The following NLRP7 variants were observed in gnomAD, a reference collection of about 807,000 sequenced individuals.
The protein encoded by NLRP7 is NACHT, LRR and PYD domains-containing protein 7.
Under a neutral mutation model 85.5 loss-of-function variants are expected in NLRP7, and 72 were observed. That is an observed-to-expected ratio of 0.84 (90% CI 0.70 to 1.02). The LOEUF (loss-of-function observed/expected upper bound fraction) is 1.02. NLRP7 is among the 50% of genes least tolerant of loss of function. The pLI is 0.00. For missense variants in NLRP7, 1,243 were observed against 1,219.5 expected, an observed-to-expected ratio of 1.02 and a Z score of -0.29; for synonymous variants, 550 against 505.2, an observed-to-expected ratio of 1.09 and a Z score of -1.19.
In NLRP7 at chr19:54,934,771, G is replaced by A. The variant is rs1332219052; in HGVS notation, c.2301-112C>T. On this transcript the variant is annotated intron_variant, in intron 6 of 9. Coordinates refer to ENST00000340844, the Ensembl canonical transcript of NLRP7. The surrounding 1 kb of genome is among the most constrained non-coding windows in gnomAD (Gnocchi z 6.7). ...GTTGCCCAGTCTGGAATGCAAAGGCGTGATCTCACCTCACTGCAGCCTCCG... is the reference window on the plus strand; with the variant it reads ...GTTGCCCAGTCTGGAATGCAAAGGCATGATCTCACCTCACTGCAGCCTCCG... 13 of 858,174 alleles carry A rather than the reference G, an allele frequency of 1.5e-5. No homozygotes were observed. Among genetic ancestry groups the A allele is most frequent in the Middle Eastern group, 3.6e-4 (1 of 2,792 alleles). 53.2% of individuals were successfully genotyped at this position (858,174 alleles called of 1,614,324 possible).
chr19:54,927,674 A>C, intron 9 of NLRP7: 1 of 1,614,174 alleles, frequency 6.2e-7, no homozygotes, highest in Non-Finnish European at 8.5e-7. Context: ...ACTCTTCCAC[A>C]AATGATTCTG....
chr19:54,923,805 T>G, exon 10 of NLRP7: 1 of 1,614,146 alleles, frequency 6.2e-7, no homozygotes, highest in Non-Finnish European at 8.5e-7. Flanking sequence ...ATAGTCAGCT[T>G]GGGATTCTTT....
chr19:54,931,685 CAA>C (rs67176965), intron 8 of NLRP7, among the ~76,000 whole-genome samples: 39,255 of 129,472 alleles, frequency 0.3, 5,400 homozygotes, highest in Middle Eastern at 0.44. Context: ...AACTCCATCT[CAA>C]AAAAAAAAAA....
chr19:54,945,938 C>T (rs1325179495), intron 1 of NLRP7, among the ~76,000 whole-genome samples: 8 of 151,136 alleles, frequency 5.3e-5, no homozygotes, highest in East Asian at 4.0e-4. Context: ...TACAGGCGCC[C>T]GCCACTATGC....
intron 3 of NLRP7, 42 bp from the exon 4 acceptor site, chr19:54,940,508 G>T: frequency 1.9e-6 from 3 of 1,606,472 alleles, no homozygotes; most frequent in Non-Finnish European, 2.6e-6. Context: ...TGATGATGAT[G>T]ATTTTCTGAA....
At chr19:54,924,200 T>A (rs1184057215) in intron 9 of NLRP7, among the ~76,000 whole-genome samples, 1 of 152,138 alleles carries the variant, frequency 6.6e-6, no homozygotes, top group Non-Finnish European at 1.5e-5. Context: ...ACTTCTGGCC[T>A]CAAGTGATCC....
chr19:54,937,728 T>C (rs1245565214), intron 5 of NLRP7, among the ~76,000 whole-genome samples: 1 of 151,650 alleles, frequency 6.6e-6, no homozygotes, highest in African/African-American at 2.4e-5. Context: ...TGAAAACCTG[T>C]CTGTGCTAAA....
At chr19:54,958,915 C>T (rs928773345) in intron 1 of NLRP7, among the ~76,000 whole-genome samples, 7 of 152,054 alleles carry the variant, frequency 4.6e-5, no homozygotes, top group Middle Eastern at 3.2e-3. Context: ...ACAGGGGTTT[C>T]GTGCACTGCT....
rs753012860 is a variant in NLRP7 at position 54,940,089 on chromosome 19, G to C, written c.730C>G (p.Gln244Glu). ...ACCACGAACAGGATTCTCTGTGCTT[G>C]GGCTAGGATGCTTGGAATGTCATCC... Residue 244 changes from glutamine to glutamate, a missense_variant, in exon 4 of 10, where the codon CAA becomes GAA. Around this residue, in one of 3 missense-constraint regions of NLRP7, gnomAD observed 591 missense variants for 563.3 expected, o/e 1.05. Transcript: ENST00000340844. 2.5e-6 allele frequency: 4 copies of C among 1,614,192 alleles called. No homozygotes were observed. The highest frequency in any genetic ancestry group is 3.4e-6 in the Non-Finnish European group (4 of 1,180,032).
chr19:54,952,601 A>T (rs558293893), intron 1 of NLRP7, among the ~76,000 whole-genome samples: 1 of 152,022 alleles, frequency 6.6e-6, no homozygotes, highest in South Asian at 2.1e-4. Flanking sequence ...CTCAAAAAAA[A>T]AAAAAACCCT....
At chr19:54,959,849 C>T (rs539120292) in intron 1 of NLRP7, among the ~76,000 whole-genome samples, 4 of 151,948 alleles carry the variant, frequency 2.6e-5, no homozygotes, top group South Asian at 4.2e-4. Context: ...GTTTTAGGTC[C>T]GCTCCTGAGC....
intron 5 of NLRP7, among the ~76,000 whole-genome samples, chr19:54,936,641 G>C (rs1018826823): frequency 6.6e-6 from 1 of 151,656 alleles, no homozygotes; most frequent in African/African-American, 2.4e-5. Context: ...GGGCAACATG[G>C]TGAAACTCCA....
chr19:54,924,553 G>A (rs1371840697), intron 9 of NLRP7, among the ~76,000 whole-genome samples: 5 of 152,190 alleles, frequency 3.3e-5, no homozygotes, highest in Admixed American at 6.6e-5. Context: ...GAGCCCAGGA[G>A]GCGGAGGTTG....
At chr19:54,956,465 G>A (rs780947560) in intron 1 of NLRP7, among the ~76,000 whole-genome samples, 46 of 152,076 alleles carry the variant, frequency 3.0e-4, no homozygotes, top group African/African-American at 6.5e-4. Flanking sequence ...CAAGGCAGGC[G>A]GATCACTTGA....
In NLRP7 at chr19:54,962,268, ATT is replaced by A. The variant is rs34974314; in HGVS notation, c.-77+3770_-77+3771del. On this transcript the variant is annotated intron_variant, in intron 1 of 2. Coordinates refer to the NLRP7 transcript ENST00000587103. Reference sequence around the variant, plus strand: ...TCCTTCCTATTCCCTCCATCCCTCAATTTTTTTTTTTTTTTTGAGACAGAGTT... The same window carrying A: ...TCCTTCCTATTCCCTCCATCCCTCAATTTTTTTTTTTTTTGAGACAGAGTT... 7.8e-3 allele frequency among the ~76,000 whole-genome samples: 1,036 copies of A among 133,126 alleles called. 10 individuals carry two copies. The highest frequency in any genetic ancestry group is 0.026 in the African/African-American group (955 of 36,278). The allele number at this position is 133,126 out of a possible 152,430, so 87.3% of individuals were successfully genotyped here.
In NLRP7 at chr19:54,933,071, T is replaced by A. The variant is rs147371798; in HGVS notation, c.2642+498A>T. Among the ~76,000 whole-genome samples the A allele has an allele frequency of 2.6e-5, 4 of 152,260 alleles. No individual in the cohort carries two copies. In the East Asian group the frequency reaches 7.7e-4, roughly 29 times the overall value. ...GAGAACCAACTACTCATCTCAAATC[T>A]TCCTTCATAGCAGGAAGAGGCTCTG... On this transcript the variant is annotated intron_variant, in intron 8 of 9. Transcript: ENST00000340844.
intron 1 of NLRP7, 34 bp from the exon 2 acceptor site, chr19:54,941,784 T>G: frequency 6.7e-7 from 1 of 1,485,448 alleles, no homozygotes; most frequent in Non-Finnish European, 9.1e-7. Flanking sequence ...GTTCACGAGT[T>G]ACCATCATTA....
chr19:54,941,991 C>T (rs1358359814), intron 1 of NLRP7, among the ~76,000 whole-genome samples: 25 of 152,096 alleles, frequency 1.6e-4, no homozygotes, highest in Admixed American at 1.4e-3. Flanking sequence ...CGGTGGCTCA[C>T]GCCTGTAATC....
rs147062742 is a variant in NLRP7, at chr19:54,939,657, G to C, written c.1162C>G (p.Leu388Val). Residue 388 changes from leucine to valine, a missense_variant, in exon 4 of 10, where the codon CTC (leucine) becomes GTC (valine). By Grantham distance (32) the Leu-to-Val change is conservative. Transcript: ENST00000340844. Reference sequence around the variant, plus strand: ...CGCAGGAACAGCCCCGTGCGGGTGAGGCAGGTGGGGACCGGGTCCTCCCCC... The same window carrying C: ...CGCAGGAACAGCCCCGTGCGGGTGACGCAGGTGGGGACCGGGTCCTCCCCC... The C allele has an allele frequency of 4.6e-5, 74 of 1,612,190 alleles. No homozygotes were observed. The African/African-American group carries it at 9.8e-4, about 21-fold the overall frequency.
Sources: allele counts gnomAD v4.1 joint callset (sites outside exome capture counted in the v4.1 genomes callset), GRCh38; gene constraint gnomAD v4.1.1; regional missense constraint gnomAD v4.1.1; non-coding constraint Gnocchi (gnomAD v3.1); transcripts MANE v1.5; gene names NCBI Gene and HGNC (gene_info 2026-07-23, HGNC 2026-07-21).